MUC4: variants seen among roughly 807,000 people sequenced by gnomAD.
The protein encoded by MUC4 is mucin-4.
In MUC4, 202 loss-of-function variants were observed where a neutral mutation model predicts 257.9. The ratio of observed to expected loss-of-function variants is 0.78; its 90% confidence interval spans 0.70 to 0.88. The LOEUF (loss-of-function observed/expected upper bound fraction) is 0.88. Ranked by LOEUF, MUC4 falls within the 40% of genes least tolerant of loss-of-function variation. The pLI is 0.00. For missense variants in MUC4, 5,976 were observed against 6,513.7 expected (o/e 0.92, Z 2.84); for synonymous variants, 2,351 against 2,757.1 (o/e 0.85, Z 4.62).
chr3:195,748,126 C>T (rs1376424948), intron 24 of MUC4, among the ~76,000 whole-genome samples: 2 of 152,280 alleles, frequency 1.3e-5, no homozygotes, highest in Non-Finnish European at 2.9e-5. Flanking sequence ...CGCTGTTAAC[C>T]AGCGGAGCCC....
chr3:195,746,938 G>A lies in MUC4; in HGVS notation c.*238C>T. 1 of 619,974 alleles carries A rather than the reference G, an allele frequency of 1.6e-6. No individual in the cohort carries two copies. Among genetic ancestry groups the A allele is most frequent in the Non-Finnish European group, 2.8e-6 (1 of 355,208 alleles). 38.4% of individuals were successfully genotyped at this position (619,974 alleles called of 1,614,324 possible). On this transcript the variant is annotated 3_prime_UTR_variant, in exon 25 of 25. Coordinates refer to ENST00000463781, the MANE Select transcript of MUC4 (RefSeq NM_018406.7). ...CGCGTGCACAGGCTAGTGTCCTTCTGTGGGTGTGTCTGCGTGAGGACCCAT... is the reference window on the plus strand; with the variant it reads ...CGCGTGCACAGGCTAGTGTCCTTCTATGGGTGTGTCTGCGTGAGGACCCAT...
intron 7 of MUC4, among the ~76,000 whole-genome samples, chr3:195,767,492 TCAC>T (rs1560260797): frequency 1.6e-5 from 1 of 63,942 alleles, no homozygotes; most frequent in Non-Finnish European, 3.3e-5. Flanking sequence ...ACCACCACCA[TCAC>T]CATCACCACC....
chr3:195,770,261 G>A lies in MUC4; in HGVS notation c.13353C>T (p.Val4451=). ...GATAGGCGTGGGCATTGACCCACGT[G>A]ACCTTTAGGGCCCACCTGGCCTTGT... ...GGYKARWALK[V]TWVNAHAYPA... Residue 4451 remains valine, a synonymous_variant, in exon 6 of 25, where the codon GTC becomes GTT. Transcript: ENST00000463781. 1 of 1,613,864 alleles carries A rather than the reference G, an allele frequency of 6.2e-7. No individual in the cohort carries two copies. The highest frequency in any genetic ancestry group is 8.5e-7 in the Non-Finnish European group (1 of 1,179,918).
At position 195,748,975 on chromosome 3, in the gene MUC4, C is replaced by G. The variant is rs139342438; in HGVS notation, c.15961G>C (p.Val5321Leu). 4 of 1,609,544 alleles carry G rather than the reference C, an allele frequency of 2.5e-6. No homozygotes were observed. Among genetic ancestry groups the G allele is most frequent in the South Asian group, 1.1e-5 (1 of 90,112 alleles). ...CAGTAGCCCCTACTGCACGGGGACA[C>G]GCAGGTGAAGCCGCTCTGGGGGCTG... ...VYSPQSGFTC[V>L]SPCSRGYCDH... Residue 5321 changes from valine (V) to leucine (L), a missense_variant, in exon 24 of 25, where the codon GTG (valine) becomes CTG (leucine). Val to Leu is a conservative substitution (Grantham distance 32, BLOSUM62 1). Coordinates refer to ENST00000463781, the MANE Select transcript of MUC4 (RefSeq NM_018406.7).
chr3:195,789,700 G>C lies in MUC4; in HGVS notation c.1880C>G (p.Ser627Cys). ...NHSTIHSTST[S>C]PQESPAVSQR... ...GGAAACAGCTGGTGATTCCTGAGGA[G>C]AGGTGCTTGTGGAATGTATTGTTGA... The change falls in exon 2 of 25, where the codon TCT becomes TGT. Residue 627 changes from serine to cysteine, a missense_variant. Around this residue, in one of 44 missense-constraint regions of MUC4, gnomAD observed 1,583 missense variants for 1,257.4 expected, o/e 1.26. Transcript: ENST00000463781. The C allele has an allele frequency of 6.2e-7, 1 of 1,614,012 alleles. No homozygotes were observed. The highest frequency in any genetic ancestry group is 1.7e-5 in the Admixed American group (1 of 60,028).
At chr3:195,754,766 G>T (rs1098879) in intron 18 of MUC4, among the ~76,000 whole-genome samples, 106,400 of 151,774 alleles carry the variant, frequency 0.7, 38,896 homozygotes, top group Non-Finnish European at 0.81. Context: ...ATGTATGTAT[G>T]TATCCATGTA....
intron 11 of MUC4, 140 bp from the exon 12 acceptor site, chr3:195,763,781 G>A (rs550495124): frequency 4.7e-5 from 49 of 1,049,044 alleles, no homozygotes; most frequent in South Asian, 3.4e-4. Flanking sequence ...GCACTTGTCC[G>A]GGCGGACTCA....
intron 1 of MUC4, among the ~76,000 whole-genome samples, chr3:195,802,032 C>T (rs115835019): frequency 6.6e-6 from 1 of 152,182 alleles, no homozygotes; most frequent in African/African-American, 2.4e-5. Flanking sequence ...TCTACTCTCA[C>T]GCCTTACAAA....
In MUC4 at chr3:195,786,601, C is replaced by T. The variant is rs779861224; in HGVS notation, c.4979G>A (p.Gly1660Asp). Residue 1660 changes from glycine (G) to aspartate (D), a missense_variant, in exon 2 of 25, where the codon GGT becomes GAT. Gly to Asp is a moderately conservative substitution (Grantham distance 94, BLOSUM62 -1). Transcript: ENST00000463781. ...GGTGACAGGAAGAGGGGTGGCGTGA[C>T]CTGTGGATGCTGAGGAAGGGCTGGT... ...HVTSPSSAST[G>D]HATPLPVTST... 2.0e-5 allele frequency: 31 copies of T among 1,531,468 alleles called. 1 individual carries two copies. The highest frequency in any genetic ancestry group is 2.8e-5 in the African/African-American group (2 of 71,760). The allele number at this position is 1,531,468 out of a possible 1,614,324, so 94.9% of individuals were successfully genotyped here. A position where few individuals can be genotyped will look rare whatever the true frequency, so the allele number is the denominator to read the frequency against.
intron 1 of MUC4, among the ~76,000 whole-genome samples, chr3:195,811,305 C>A (rs1736707457): frequency 6.6e-6 from 1 of 152,004 alleles, no homozygotes; most frequent in Admixed American, 6.6e-5. Flanking sequence ...TCCTGAGTAG[C>A]TGGAATTACA....
intron 12 of MUC4, 31 bp from the exon 13 acceptor site, chr3:195,762,976 G>A: frequency 7.4e-6 from 11 of 1,490,440 alleles, no homozygotes; most frequent in Non-Finnish European, 9.1e-6. Flanking sequence ...GCCTGAGCCC[G>A]ACCCGCAGGT....
chr3:195,771,366 T>C (rs1378325441), intron 5 of MUC4, among the ~76,000 whole-genome samples: 3 of 134,958 alleles, frequency 2.2e-5, no homozygotes, highest in East Asian at 2.2e-4. Context: ...GTCAGTCTCG[T>C]GGTTGGGTTG....
At chr3:195,804,119 G>T (rs560539931) in intron 1 of MUC4, among the ~76,000 whole-genome samples, 1 of 152,202 alleles carries the variant, frequency 6.6e-6, no homozygotes, top group Non-Finnish European at 1.5e-5. Flanking sequence ...ATCCAGGGAC[G>T]AGGAGGGCAC....
intron 7 of MUC4, among the ~76,000 whole-genome samples, chr3:195,767,805 T>TCACCACCATCAC (rs1406503267): frequency 3.0e-5 from 1 of 33,640 alleles, no homozygotes; most frequent in Non-Finnish European, 6.7e-5. Context: ...ACCACCATCA[T>TCACCACCATCAC]CACCACCATC....
intron 19 of MUC4, 87 bp from the exon 20 acceptor site, chr3:195,753,317 T>C: frequency 7.3e-7 from 1 of 1,378,992 alleles, no homozygotes; most frequent in Non-Finnish European, 1.0e-6. Flanking sequence ...GGGACAGGCT[T>C]GCTTTCCCCC....
In MUC4 at chr3:195,811,860, G is replaced by T; in HGVS notation, c.-43C>A. On this transcript the variant is annotated 5_prime_UTR_variant, in exon 1 of 25. Transcript: ENST00000463781. ...CCCTGGCTCCCTGGGGAAGCTCCAC[G>T]GCCCAGCAGCTGCAGTGTGAGGAGC... is the stretch of plus-strand genomic sequence containing the variant. The T allele has an allele frequency of 6.3e-7, 1 of 1,593,194 alleles. No homozygotes were observed. Among genetic ancestry groups the T allele is most frequent in the East Asian group, 2.2e-5 (1 of 44,718 alleles).
At chr3:195,756,338 C>T (rs1201359806) in intron 18 of MUC4, among the ~76,000 whole-genome samples, 3 of 152,206 alleles carry the variant, frequency 2.0e-5, no homozygotes, top group Non-Finnish European at 4.4e-5. Context: ...CGCCCAGGGA[C>T]CCACAACCAC....
Position 195,780,971 on chromosome 3 carries a change from G to A in MUC4, c.10609C>T (p.Leu3537Phe), listed in dbSNP as rs770177751. 6.6e-7 allele frequency: 1 copy of A among 1,505,864 alleles called. No homozygotes were observed. Among genetic ancestry groups the A allele is most frequent in the Non-Finnish European group, 8.9e-7 (1 of 1,118,660 alleles). 93.3% of individuals were successfully genotyped at this position (1,505,864 alleles called of 1,614,324 possible). A position where few individuals can be genotyped will look rare whatever the true frequency, so the allele number is the denominator to read the frequency against. ...ACTGAGGAAAGGCTGGTGACAGGAA[G>A]AGGCGTGGCGTGACCGGTGGATACT... ...SSVSTGHATP[L>F]PVTSLSSVST... The change falls in exon 2 of 25, where the codon CTT becomes TTT. Residue 3537 changes from leucine to phenylalanine, a missense_variant. Leu to Phe is a conservative substitution (Grantham distance 22). This residue lies in a region of MUC4 where 297 missense variants were observed against 240.9 expected (regional missense o/e 1.23). Transcript: ENST00000463781.
At chr3:195,806,305 G>A (rs1344073475) in intron 1 of MUC4, among the ~76,000 whole-genome samples, 3 of 152,090 alleles carry the variant, frequency 2.0e-5, no homozygotes, top group Admixed American at 1.3e-4. Flanking sequence ...CTCAGCCTCA[G>A]GCCTCAGCTC....
Sources: gnomAD v4.1 joint callset for allele counts (sites outside exome capture counted in the v4.1 genomes callset) on GRCh38, gnomAD v4.1.1 for gene constraint, gnomAD v4.1.1 regional missense constraint, MANE v1.5 for transcripts, NCBI Gene and HGNC (gene_info 2026-07-23, HGNC 2026-07-21) for gene names.